The following UBE2K variants were observed in gnomAD, a reference collection of about 807,000 sequenced individuals.
UBE2K encodes the protein ubiquitin conjugating enzyme E2 K.
A neutral mutation model predicts 30.0 loss-of-function variants in UBE2K; 6 were observed. The ratio of observed to expected loss-of-function variants is 0.20; its 90% CI spans 0.11 to 0.39. UBE2K has a LOEUF of 0.39. Ranked by LOEUF, UBE2K falls within the 10% of genes least tolerant of loss-of-function variation. UBE2K has a pLI of 1.00. For missense variants in UBE2K, 61 were observed against 241.6 expected (o/e 0.25, Z 4.96); for synonymous variants, 86 against 83.7 (o/e 1.03, Z -0.15).
chr4:39,732,370 C>A (rs1040029469), intron 1 of UBE2K, among the ~76,000 whole-genome samples: 1 of 152,138 alleles, frequency 6.6e-6, no homozygotes, highest in Non-Finnish European at 1.5e-5. Context: ...AATGTAAGCT[C>A]CAAGTGGGCA....
At chr4:39,760,626 A>C (rs1211218243) in intron 4 of UBE2K, among the ~76,000 whole-genome samples, 1 of 152,174 alleles carries the variant, frequency 6.6e-6, no homozygotes, top group Non-Finnish European at 1.5e-5. Flanking sequence ...AGCCCAGCGC[A>C]GTGGCTCACG....
intron 4 of UBE2K, among the ~76,000 whole-genome samples, chr4:39,765,955 A>G (rs1268005896): frequency 2.6e-4 from 40 of 152,184 alleles, no homozygotes; most frequent in Admixed American, 2.6e-3. Flanking sequence ...ACACACATAC[A>G]CATACACATA....
At position 39,759,001 on chromosome 4, in the gene UBE2K, T is replaced by C. The variant is rs570072287; in HGVS notation, c.299+3262T>C. Among the ~76,000 whole-genome samples, 4 of 152,340 alleles carry C rather than the reference T, an allele frequency of 2.6e-5. 1 individual carries two copies. The highest frequency in any genetic ancestry group is 9.6e-5 in the African/African-American group (4 of 41,590). ...ACACATTAGATAAAATAGGTGAGAC[T>C]AGATATTCATGAAGTCATTACTTTA... On this transcript the variant is annotated intron_variant, in intron 4 of 6. Coordinates refer to ENST00000261427, the MANE Select transcript of UBE2K (RefSeq NM_005339.5).
intron 3 of UBE2K, among the ~76,000 whole-genome samples, chr4:39,746,609 T>G (rs1418738405): frequency 6.6e-6 from 1 of 152,230 alleles, no homozygotes; most frequent in Non-Finnish European, 1.5e-5. Context: ...ACCTAGAACC[T>G]GACCCCAGTC....
rs570878820 is a variant in UBE2K, at chr4:39,718,567, A to G, written c.64-18853A>G. Reference sequence around the variant, plus strand: ...AACTGGGTGCCGTGGAGCAGGGGACAATGCTCAGGCCACGCAGGAGCCCAC... The same window carrying G: ...AACTGGGTGCCGTGGAGCAGGGGACGATGCTCAGGCCACGCAGGAGCCCAC... On this transcript the variant is annotated intron_variant, in intron 1 of 6. Coordinates refer to ENST00000261427, the MANE Select transcript of UBE2K (RefSeq NM_005339.5). Among the ~76,000 whole-genome samples the G allele has an allele frequency of 2.6e-4, 39 of 152,332 alleles. No homozygotes were observed. In the East Asian group the frequency reaches 6.8e-3, roughly 26 times the overall value.
At chr4:39,706,083 C>G (rs1169471661) in intron 1 of UBE2K, among the ~76,000 whole-genome samples, 1 of 152,190 alleles carries the variant, frequency 6.6e-6, no homozygotes, top group East Asian at 1.9e-4. Context: ...GCTATCTCAG[C>G]TCACTGCAAG....
intron 1 of UBE2K, among the ~76,000 whole-genome samples, chr4:39,699,212 A>T (rs907136511): frequency 1.3e-5 from 2 of 152,202 alleles, no homozygotes; most frequent in Non-Finnish European, 2.9e-5. Flanking sequence ...AATATTGTTT[A>T]CAAGTTACAG....
intron 3 of UBE2K, among the ~76,000 whole-genome samples, chr4:39,749,687 A>AG (rs577487764): frequency 5.9e-5 from 9 of 151,972 alleles, no homozygotes; most frequent in Admixed American, 3.3e-4. Context: ...TCAAAAAAAA[A>AG]AAGAAATTAA....
intron 1 of UBE2K, chr4:39,714,550 A>ATATATATT: frequency 4.5e-4 from 8 of 17,850 alleles, no homozygotes; most frequent in Non-Finnish European, 5.2e-4. Context: ...ATATATATAT[A>ATATATATT]TTTTTTTTTT....
chr4:39,749,334 T>G (rs927744967), intron 3 of UBE2K, among the ~76,000 whole-genome samples: 1 of 152,148 alleles, frequency 6.6e-6, no homozygotes, highest in African/African-American at 2.4e-5. Flanking sequence ...GAAAAAATCA[T>G]TAGTAAAAAT....
At chr4:39,715,170 C>T (rs974649124) in intron 1 of UBE2K, among the ~76,000 whole-genome samples, 47 of 151,816 alleles carry the variant, frequency 3.1e-4, no homozygotes, top group African/African-American at 1.1e-3. Context: ...GGACTACAGG[C>T]GCCCGCCACC....
In UBE2K at chr4:39,779,136, T is replaced by G. The variant is rs1016979234; in HGVS notation, c.*702T>G. ...GAAATGTGCTGAAGGACAGTATGTA[T>G]CCCTTGCTTCATTTTTAGGTCGTAG... On this transcript the variant is annotated 3_prime_UTR_variant, in exon 7 of 7. Transcript: ENST00000261427. 1 of 149,240 alleles carries G rather than the reference T, an allele frequency of 6.7e-6. No homozygotes were observed. The highest frequency in any genetic ancestry group is 6.9e-5 in the Admixed American group (1 of 14,490). 9.2% of individuals were successfully genotyped at this position (149,240 alleles called of 1,614,324 possible). A position where few individuals can be genotyped will look rare whatever the true frequency, so the allele number is the denominator to read the frequency against.
In UBE2K at chr4:39,770,854, C is replaced by T. The variant is rs1182657445; in HGVS notation, c.300-3980C>T. 4.5e-6 allele frequency: 7 copies of T among 1,541,296 alleles called. No individual in the cohort carries two copies. The South Asian group carries it at 5.0e-5, about 11-fold the overall frequency. ...ACGTCCTCATCCTCATCCTCTTCCT[C>T]GGCTTTCAGCTCCAAGTCCTCATCC... On this transcript the variant is annotated intron_variant, in intron 4 of 6. Coordinates refer to ENST00000261427, the MANE Select transcript of UBE2K (RefSeq NM_005339.5).
intron 1 of UBE2K, 29 bp downstream of exon 1, chr4:39,698,419 A>C: frequency 1.3e-6 from 2 of 1,594,734 alleles, no homozygotes; most frequent in Admixed American, 1.7e-5. Context: ...GATATCCCCC[A>C]CCTCTGCCTG....
chr4:39,703,139 T>C (rs989897543), intron 1 of UBE2K, among the ~76,000 whole-genome samples: 2 of 152,056 alleles, frequency 1.3e-5, no homozygotes, highest in African/African-American at 4.8e-5. Context: ...TACAGGCGCC[T>C]ACTACCATGC....
intron 1 of UBE2K, among the ~76,000 whole-genome samples, chr4:39,732,651 A>G (rs192115772): frequency 1.9e-3 from 281 of 146,990 alleles, no homozygotes; most frequent in African/African-American, 6.7e-3. Context: ...GAAAATTGCT[A>G]ACTTCTATAG....
intron 1 of UBE2K, among the ~76,000 whole-genome samples, chr4:39,708,049 A>G (rs1262805525): frequency 3.3e-5 from 5 of 151,862 alleles, no homozygotes; most frequent in African/African-American, 1.2e-4. Context: ...GGCATGCACC[A>G]CCACGCTCAG....
At chr4:39,725,246 G>T (rs958592457) in intron 1 of UBE2K, among the ~76,000 whole-genome samples, 22 of 151,890 alleles carry the variant, frequency 1.4e-4, no homozygotes, top group African/African-American at 4.6e-4. Flanking sequence ...AACCAGGCAT[G>T]GTGTCATGCA....
intron 4 of UBE2K, among the ~76,000 whole-genome samples, chr4:39,758,249 A>G (rs1444519281): frequency 6.6e-6 from 1 of 152,142 alleles, no homozygotes; most frequent in East Asian, 1.9e-4. Context: ...ACCTCCCAAC[A>G]TCTTAACAGC....
Sources: gnomAD v4.1 joint callset for allele counts (sites outside exome capture counted in the v4.1 genomes callset) on GRCh38, gnomAD v4.1.1 for gene constraint, MANE v1.5 for transcripts, NCBI Gene and HGNC (gene_info 2026-07-23, HGNC 2026-07-21) for gene names.